NHLRC3: variants seen among roughly 807,000 people sequenced by gnomAD.
NHLRC3 encodes NHL repeat-containing protein 3.
NHLRC3 carries 23 observed loss-of-function variants against 32.0 expected under a neutral mutation model. That is an observed-to-expected ratio of 0.72 (90% CI 0.52 to 1.02). NHLRC3 has a LOEUF of 1.02. Ranked by LOEUF, NHLRC3 falls within the 50% of genes least tolerant of loss-of-function variation. The pLI is 0.00. For synonymous variants in NHLRC3, 159 were observed against 147.9 expected (o/e 1.08, Z -0.55); for missense variants, 407 against 406.8 (o/e 1.00, Z -0.01).
At chr13:39,041,395 CTT>C (rs1871461447) in intron 3 of NHLRC3, 1 of 152,074 alleles carries the variant, frequency 6.6e-6, no homozygotes, top group South Asian at 2.1e-4. Flanking sequence ...TCCAGTTTGT[CTT>C]TTGAATACCT....
chr13:39,048,670 C>G lies in NHLRC3; in HGVS notation c.*744C>G, dbSNP rs1871785140. 1 of 152,178 alleles carries G rather than the reference C, an allele frequency of 6.6e-6. No individual in the cohort carries two copies. Among genetic ancestry groups the G allele is most frequent in the Non-Finnish European group, 1.5e-5 (1 of 68,024 alleles). 9.4% of individuals were successfully genotyped at this position (152,178 alleles called of 1,614,324 possible). On this transcript the variant is annotated 3_prime_UTR_variant, in exon 7 of 7. Transcript: ENST00000379600. ...TAAAAAGTTAGAAGTGTACTGTAAA[C>G]TTTGATAGGCTTTTAGGCCTTTTTT...
At chr13:39,041,733 C>T (rs1871473547) in intron 3 of NHLRC3, 1 of 197,606 alleles carries the variant, frequency 5.1e-6, no homozygotes, top group Non-Finnish European at 1.0e-5. Context: ...ATAAGTTGTT[C>T]CCTTTACATT....
At chr13:39,047,180 C>A in intron 6 of NHLRC3, 28 bp downstream of exon 6, 1 of 1,334,706 alleles carries the variant, frequency 7.5e-7, no homozygotes, top group Middle Eastern at 1.8e-4. Context: ...TTGCAAAATG[C>A]TTGTTTTAGT....
At chr13:39,043,504 T>A (rs377440531) in intron 4 of NHLRC3, among the ~76,000 whole-genome samples, 1 of 152,286 alleles carries the variant, frequency 6.6e-6, no homozygotes, top group African/African-American at 2.4e-5. Flanking sequence ...CTTCTCTGTG[T>A]GTTTTTGTGC....
intron 3 of NHLRC3, chr13:39,041,890 G>A (rs1593551082): frequency 1.7e-5 from 8 of 473,146 alleles, no homozygotes; most frequent in East Asian, 6.9e-5. Context: ...TTTAGAATCC[G>A]CTTATTTTGG....
At chr13:39,044,607 G>A (rs1339305909) in intron 5 of NHLRC3, 3 of 157,484 alleles carry the variant, frequency 1.9e-5, no homozygotes, top group African/African-American at 7.2e-5. Context: ...AAGTGGAGTG[G>A]GAGAGGTTAA....
chr13:39,042,833 T>C (rs1871515770), intron 4 of NHLRC3, among the ~76,000 whole-genome samples: 1 of 152,164 alleles, frequency 6.6e-6, no homozygotes, highest in African/African-American at 2.4e-5. Context: ...GAAGTAGTTA[T>C]TGAACTAAAC....
At position 39,039,300 on chromosome 13, in the gene NHLRC3, G is replaced by A. The variant is rs1409387774; in HGVS notation, c.237+12G>A. The A allele has an allele frequency of 5.0e-6, 8 of 1,601,234 alleles. No individual in the cohort carries two copies. The highest frequency in any genetic ancestry group is 1.3e-5 in the African/African-American group (1 of 74,632). The stretch of plus-strand genomic sequence containing the variant: ...TTTACATAGGTCAAGTAAGTAAATA[G>A]AGATTTAAAAAAATTATGAACACAA... On this transcript the variant is annotated intron_variant, in intron 2 of 6. Coordinates refer to ENST00000379600, the MANE Select transcript of NHLRC3 (RefSeq NM_001012754.4).
intron 3 of NHLRC3, chr13:39,040,294 C>A (rs961248689): frequency 2.6e-5 from 4 of 152,104 alleles, no homozygotes; most frequent in African/African-American, 9.7e-5. Context: ...TTGCTCTTCT[C>A]AGATTAAATA....
At position 39,041,837 on chromosome 13, in the gene NHLRC3, T is replaced by A. The variant is rs144924699; in HGVS notation, c.386-268T>A. 144 of 347,906 alleles carry A rather than the reference T, an allele frequency of 4.1e-4. 1 individual carries two copies. Among genetic ancestry groups the A allele is most frequent in the African/African-American group, 2.8e-3 (132 of 47,584 alleles). 21.6% of individuals were successfully genotyped at this position (347,906 alleles called of 1,614,324 possible). ...CCAATACTTTGTTAGCATTCTGAGTTTCCTGTATAATGAGTCAATTATGGG... is the reference window on the plus strand; with the variant it reads ...CCAATACTTTGTTAGCATTCTGAGTATCCTGTATAATGAGTCAATTATGGG... On this transcript the variant is annotated intron_variant, in intron 3 of 6. Coordinates refer to ENST00000379600, the MANE Select transcript of NHLRC3 (RefSeq NM_001012754.4).
chr13:39,043,958 G>A, intron 4 of NHLRC3, 132 bp from the exon 5 acceptor site: 1 of 698,478 alleles, frequency 1.4e-6, no homozygotes, highest in East Asian at 2.5e-5. Flanking sequence ...ATATAGACAG[G>A]AAAGCCGAGA....
chr13:39,047,628 A>T (rs1416188751), intron 6 of NHLRC3, 46 bp from the exon 7 acceptor site: 2 of 1,545,914 alleles, frequency 1.3e-6, no homozygotes, highest in East Asian at 2.3e-5. Context: ...AAATACCCTT[A>T]TGTTTTTTCA....
In NHLRC3 at chr13:39,042,310, A is replaced by G; in HGVS notation, c.586+5A>G. ...GATTGATCAAACTGTCCCAAGGTAC[A>G]TTACTTGTTTATGGTATTATAAAAA... On this transcript the variant is annotated splice_donor_5th_base_variant and intron_variant, in intron 4 of 6. Coordinates refer to ENST00000379600, the MANE Select transcript of NHLRC3 (RefSeq NM_001012754.4). The G allele has an allele frequency of 1.3e-6, 2 of 1,504,116 alleles. No homozygotes were observed. Among genetic ancestry groups the G allele is most frequent in the South Asian group, 2.3e-5 (2 of 86,646 alleles). The allele number at this position is 1,504,116 out of a possible 1,614,324, so 93.2% of individuals were successfully genotyped here. A position where few individuals can be genotyped will look rare whatever the true frequency, so the allele number is the denominator to read the frequency against.
At chr13:39,039,074 C>T in intron 1 of NHLRC3, 62 bp from the exon 2 acceptor site, 2 of 816,054 alleles carry the variant, frequency 2.5e-6, no homozygotes, top group South Asian at 1.5e-5. Flanking sequence ...CCGGCCCCCC[C>T]GCCCTTTTTT....
Position 39,039,245 on chromosome 13 carries a change from G to T in NHLRC3, c.194G>T (p.Cys65Phe). 9.3e-6 allele frequency: 15 copies of T among 1,614,064 alleles called. No individual in the cohort carries two copies. The highest frequency in any genetic ancestry group is 1.3e-5 in the Non-Finnish European group (15 of 1,179,916). ...GAATATTTTACCGGAACAACATTTTGTGTTGCAGTTGACTCCCTCAATGGA... is the reference window on the plus strand; with the variant it reads ...GAATATTTTACCGGAACAACATTTTTTGTTGCAGTTGACTCCCTCAATGGA... ...HPEYFTGTTF[C>F]VAVDSLNGLV... The change falls in exon 2 of 7, where the codon TGT (cysteine) becomes TTT (phenylalanine). Residue 65 changes from cysteine to phenylalanine, a missense_variant. Coordinates refer to ENST00000379600, the MANE Select transcript of NHLRC3 (RefSeq NM_001012754.4).
chr13:39,046,131 C>CATCCTGGCTAAT (rs1476160450), intron 5 of NHLRC3, among the ~76,000 whole-genome samples: 1 of 152,118 alleles, frequency 6.6e-6, no homozygotes, highest in Non-Finnish European at 1.5e-5. Flanking sequence ...AGATCGAGAC[C>CATCCTGGCTAAT]ATGGTGAAAC....
At chr13:39,041,395 C>G (rs1385206804) in intron 3 of NHLRC3, 3 of 152,074 alleles carry the variant, frequency 2.0e-5, no homozygotes, top group Non-Finnish European at 4.4e-5. Flanking sequence ...TCCAGTTTGT[C>G]TTTTGAATAC....
At chr13:39,043,762 A>G (rs1871552518) in intron 4 of NHLRC3, among the ~76,000 whole-genome samples, 1 of 152,194 alleles carries the variant, frequency 6.6e-6, no homozygotes. Context: ...TGGAATACTA[A>G]TATCAAGTAA....
rs1256185065 is a variant in NHLRC3, at chr13:39,039,695, C to T, written c.369C>T (p.Ile123=). The part of the protein sequence containing the change: ...ASTLYEQSVW[I]TDVGSGFFGH... ...CTCTATATGAACAATCCGTCTGGAT[C>T]ACGGATGTAGGAAGTGGTATGTATA... Residue 123 remains isoleucine, a synonymous_variant, in exon 3 of 7, where the codon ATC becomes ATT. Coordinates refer to ENST00000379600, the MANE Select transcript of NHLRC3 (RefSeq NM_001012754.4). 7 of 1,612,162 alleles carry T rather than the reference C, an allele frequency of 4.3e-6. No individual in the cohort carries two copies. Among genetic ancestry groups the T allele is most frequent in the Non-Finnish European group, 5.9e-6 (7 of 1,178,302 alleles).
Sources: allele counts gnomAD v4.1 joint callset (sites outside exome capture counted in the v4.1 genomes callset), GRCh38; gene constraint gnomAD v4.1.1; transcripts MANE v1.5; gene names NCBI Gene and HGNC (gene_info 2026-07-23, HGNC 2026-07-21).